The following MAX variants were observed in gnomAD, a reference collection of about 807,000 sequenced individuals.
MAX encodes the protein protein max.
A neutral mutation model predicts 22.3 loss-of-function variants in MAX; 3 were observed. The observed-to-expected ratio is 0.13, with a 90% CI of 0.06 to 0.35. The LOEUF is 0.35. Among genes scored for constraint, MAX ranks in the 10% least tolerant of loss-of-function variants. The probability of loss-of-function intolerance (pLI) is 1.00; values close to 1 mark genes in which losing one functional copy is unlikely to be tolerated. For synonymous variants in MAX, 72 were observed against 77.7 expected (o/e 0.93, Z 0.39); for missense variants, 119 against 209.4 (o/e 0.57, Z 2.66).
intron 3 of MAX, among the ~76,000 whole-genome samples, chr14:65,026,494 G>A (rs895608352): frequency 5.9e-5 from 9 of 152,296 alleles, no homozygotes; most frequent in East Asian, 1.9e-4. Context: ...TATGTTTACC[G>A]CAATTAAGGT....
At chr14:65,094,826 C>T (rs2139898144) in intron 2 of MAX, among the ~76,000 whole-genome samples, 1 of 152,346 alleles carries the variant, frequency 6.6e-6, no homozygotes, top group Middle Eastern at 3.4e-3. Flanking sequence ...AGAACTTCAT[C>T]ACACCTACAC....
chr14:65,056,275 T>G (rs2062735153), intron 3 of MAX, among the ~76,000 whole-genome samples: 1 of 152,212 alleles, frequency 6.6e-6, no homozygotes, highest in South Asian at 2.1e-4. Flanking sequence ...TGATACTCCC[T>G]TATATAAATG....
rs1595127306 is a variant in MAX, at chr14:65,076,623, C to T, written c.336G>A (p.Gln112=). The T allele has an allele frequency of 3.7e-6, 6 of 1,614,122 alleles. No homozygotes were observed. The highest frequency in any genetic ancestry group is 1.1e-5 in the South Asian group (1 of 91,064). ...TGTTGTCTGAGGAGGGGTAGTTGGT[C>T]TGCAGTTGGGCACTTGACCTCGCCT... ...LEKARSSAQL[Q]TNYPSSDNSL... is the part of the protein sequence containing the mutation. Residue 112 remains glutamine (Q), a synonymous_variant, in exon 5 of 5, where the codon CAG becomes CAA. Coordinates refer to ENST00000358664, the MANE Select transcript of MAX (RefSeq NM_002382.5). The surrounding 1 kb of genome is among the most constrained non-coding windows in gnomAD (Gnocchi z 6.6).
rs1409993485 is a variant in MAX, at chr14:65,076,445, C to T, written c.*31G>A. The T allele has an allele frequency of 2.5e-6, 4 of 1,612,364 alleles. No individual in the cohort carries two copies. Among genetic ancestry groups the T allele is most frequent in the Admixed American group, 3.3e-5 (2 of 60,016 alleles). On this transcript the variant is annotated 3_prime_UTR_variant, in exon 5 of 5. Coordinates refer to ENST00000358664, the MANE Select transcript of MAX (RefSeq NM_002382.5). The surrounding 1 kb of genome is among the most constrained non-coding windows in gnomAD (Gnocchi z 6.6). ...AGGAGGATGAGACGATGGAGACAGA[C>T]AGTTTTTATTGCTGGCCTGCCCCGA...
At chr14:65,046,237 A>G (rs951395594) in intron 3 of MAX, among the ~76,000 whole-genome samples, 1 of 152,160 alleles carries the variant, frequency 6.6e-6, no homozygotes, top group Non-Finnish European at 1.5e-5. Context: ...TGGCCTCCCA[A>G]AGTGCTGGGA....
In MAX at chr14:65,014,515, C is replaced by T. The variant is rs1388669810; in HGVS notation, c.172-8231G>A. 6.6e-6 allele frequency among the ~76,000 whole-genome samples: 1 copy of T among 152,192 alleles called. No homozygotes were observed. Among genetic ancestry groups the T allele is most frequent in the Non-Finnish European group, 1.5e-5 (1 of 68,042 alleles). ...CACACACATTCTATATCCCAAGCAT[C>T]TCAAGAACAGAAACCAGTTCAGGCA... On this transcript the variant is annotated intron_variant, in intron 3 of 3. Transcript: ENST00000341653. This position sits in a 1 kb window ranked among gnomAD's most constrained non-coding sequence, Gnocchi z 5.1.
At position 65,030,825 on chromosome 14, in the gene MAX, T is replaced by A. The variant is rs1271859428; in HGVS notation, c.172-24541A>T. 1.3e-5 allele frequency among the ~76,000 whole-genome samples: 2 copies of A among 152,194 alleles called. No individual in the cohort carries two copies. The highest frequency in any genetic ancestry group is 2.4e-5 in the African/African-American group (1 of 41,450). On this transcript the variant is annotated intron_variant, in intron 3 of 3. Coordinates refer to the MAX transcript ENST00000341653. The surrounding 1 kb of genome is among the most constrained non-coding windows in gnomAD (Gnocchi z 4.5). Reference sequence around the variant, plus strand: ...AATATACTTTTTGTTTGTTTTGTTTTGAGATGGAGTTTCTTTCTGTTGCCC... The same window carrying A: ...AATATACTTTTTGTTTGTTTTGTTTAGAGATGGAGTTTCTTTCTGTTGCCC...
At chr14:65,098,335 G>A (rs1053873762) in intron 2 of MAX, among the ~76,000 whole-genome samples, 4 of 152,112 alleles carry the variant, frequency 2.6e-5, no homozygotes, top group African/African-American at 4.8e-5. Flanking sequence ...TACCAAGCTC[G>A]TTCTCTTCTG....
chr14:65,041,288 T>C (rs552725259), intron 3 of MAX, among the ~76,000 whole-genome samples: 2 of 152,216 alleles, frequency 1.3e-5, no homozygotes, highest in Non-Finnish European at 2.9e-5. Context: ...AACCAAACTT[T>C]TATTACCTGC....
downstream of MAX, among the ~76,000 whole-genome samples, chr14:65,071,145 CAT>C (rs1491412942): frequency 7.2e-5 from 11 of 151,842 alleles, no homozygotes; most frequent in African/African-American, 2.7e-4. This position sits in a 1 kb window ranked among gnomAD's most constrained non-coding sequence, Gnocchi z 4.2. Context: ...ATTCACTCCA[CAT>C]TTTTTTTTTT....
At chr14:65,043,664 T>C (rs2062402037) in intron 3 of MAX, among the ~76,000 whole-genome samples, 1 of 150,352 alleles carries the variant, frequency 6.7e-6, no homozygotes, top group South Asian at 2.1e-4. Context: ...CTACTAAAAA[T>C]ACAAAAAATT....
In MAX at chr14:65,093,738, C is replaced by T. The variant is rs768413473; in HGVS notation, c.141G>A (p.Arg47=). ...CTCCTTGGAGTGATGGGACTGAGTC[C>T]CGCAAACTGTGAAAGCTGTCTTTGA... ...DHIKDSFHSL[R]DSVPSLQGEK... The change falls in exon 3 of 5, where the codon CGG becomes CGA. Residue 47 remains arginine (R), a synonymous_variant. Transcript: ENST00000358664. This position sits in a 1 kb window ranked among gnomAD's most constrained non-coding sequence, Gnocchi z 4.4. 2 of 1,610,840 alleles carry T rather than the reference C, an allele frequency of 1.2e-6. No individual in the cohort carries two copies. Among genetic ancestry groups the T allele is most frequent in the Non-Finnish European group, 1.7e-6 (2 of 1,176,978 alleles).
intron 3 of MAX, chr14:65,040,749 C>T (rs2062333776): frequency 6.2e-7 from 1 of 1,601,014 alleles, no homozygotes; most frequent in African/African-American, 1.3e-5. Context: ...TGTACGTCCA[C>T]TCACTGGCCA....
chr14:65,060,425 C>T (rs1165333303), intron 3 of MAX, among the ~76,000 whole-genome samples: 4 of 145,016 alleles, frequency 2.8e-5, no homozygotes, highest in Non-Finnish European at 4.4e-5. Flanking sequence ...CCTGTCTCTA[C>T]TAAAAATACA....
chr14:65,070,284 C>G (rs1240819668), downstream of MAX, among the ~76,000 whole-genome samples: 1 of 152,132 alleles, frequency 6.6e-6, no homozygotes, highest in Non-Finnish European at 1.5e-5. This position sits in a 1 kb window ranked among gnomAD's most constrained non-coding sequence, Gnocchi z 4.4. Flanking sequence ...TCACCATGTT[C>G]AGCACTGGAG....
At chr14:65,061,680 G>A (rs1255026982) in intron 3 of MAX, 10 of 197,062 alleles carry the variant, frequency 5.1e-5, no homozygotes, top group East Asian at 1.1e-4. Context: ...CCACTTGCAC[G>A]CCACCATTCA....
At chr14:65,045,433 C>A (rs552116149) in intron 3 of MAX, among the ~76,000 whole-genome samples, 1 of 149,166 alleles carries the variant, frequency 6.7e-6, no homozygotes, top group East Asian at 2.0e-4. Context: ...CCGCCGCCCC[C>A]GAGATGGAGT....
intron 3 of MAX, among the ~76,000 whole-genome samples, chr14:65,010,399 G>C (rs143763368): frequency 3.3e-5 from 5 of 152,122 alleles, no homozygotes; most frequent in Admixed American, 1.3e-4. Context: ...TGAGCCTCAC[G>C]TGTGTGTCCA....
chr14:65,091,371 A>G (rs2063505240), intron 3 of MAX, among the ~76,000 whole-genome samples: 2 of 152,238 alleles, frequency 1.3e-5, no homozygotes, highest in Admixed American at 1.3e-4. Context: ...TCAGTAGGAC[A>G]TATTTGGATT....
Sources: allele counts gnomAD v4.1 joint callset (sites outside exome capture counted in the v4.1 genomes callset), GRCh38; gene constraint gnomAD v4.1.1; non-coding constraint Gnocchi (gnomAD v3.1); transcripts MANE v1.5; gene names NCBI Gene and HGNC (gene_info 2026-07-23, HGNC 2026-07-21).